DLGAP1: variants seen among roughly 807,000 people sequenced by gnomAD.
DLGAP1 encodes the protein DLG associated protein 1.
In DLGAP1, 11 loss-of-function variants were observed where a neutral mutation model predicts 90.8. That is an observed-to-expected ratio of 0.12 (90% CI 0.08 to 0.20). The LOEUF (loss-of-function observed/expected upper bound fraction) is 0.20. Ranked by LOEUF, DLGAP1 falls within the 10% of genes least tolerant of loss-of-function variation. DLGAP1 has a pLI of 1.00. For missense variants in DLGAP1, 1,050 were observed against 1,333.8 expected (o/e 0.79, Z 3.31); for synonymous variants, 558 against 540.7 (o/e 1.03, Z -0.44).
intron 1 of DLGAP1, among the ~76,000 whole-genome samples, chr18:4,400,413 A>G (rs977586167): frequency 7.9e-5 from 12 of 152,264 alleles, no homozygotes; most frequent in Admixed American, 7.8e-4. Context: ...TGAGTTTTCA[A>G]ACCTGCTGCT....
At chr18:3,758,462 A>T (rs924514246) in intron 5 of DLGAP1, among the ~76,000 whole-genome samples, 1 of 152,200 alleles carries the variant, frequency 6.6e-6, no homozygotes. Context: ...GGCCAAAATT[A>T]TTCACAGACT....
At chr18:3,689,691 G>A (rs1307195787) in intron 7 of DLGAP1, among the ~76,000 whole-genome samples, 1 of 152,098 alleles carries the variant, frequency 6.6e-6, no homozygotes, top group Non-Finnish European at 1.5e-5. Context: ...AGGCCAATGT[G>A]CCATAATTGT....
At chr18:3,619,425 T>C (rs1306498933) in intron 7 of DLGAP1, among the ~76,000 whole-genome samples, 1 of 152,124 alleles carries the variant, frequency 6.6e-6, no homozygotes, top group African/African-American at 2.4e-5. Context: ...GCAAGTCTAG[T>C]GGGGTCACTA....
intron 9 of DLGAP1, among the ~76,000 whole-genome samples, chr18:3,564,354 G>A (rs1432450570): frequency 6.6e-6 from 1 of 152,054 alleles, no homozygotes; most frequent in Non-Finnish European, 1.5e-5. Context: ...AGGGGGCTGA[G>A]GTTGGGTATG....
chr18:4,073,533 GA>G (rs2075481422), intron 2 of DLGAP1, among the ~76,000 whole-genome samples: 1 of 151,958 alleles, frequency 6.6e-6, no homozygotes, highest in Non-Finnish European at 1.5e-5. Flanking sequence ...AATGAAGGGG[GA>G]AAAAAGAGGT....
chr18:3,780,048 A>T (rs1440746111), intron 5 of DLGAP1, among the ~76,000 whole-genome samples: 1 of 152,110 alleles, frequency 6.6e-6, no homozygotes, highest in African/African-American at 2.4e-5. Context: ...TAGGCCTCCC[A>T]AAGTGCTGGG....
At chr18:3,697,356 T>C (rs1264400230) in intron 7 of DLGAP1, among the ~76,000 whole-genome samples, 1 of 152,210 alleles carries the variant, frequency 6.6e-6, no homozygotes, top group Non-Finnish European at 1.5e-5. Context: ...TAAACACTTC[T>C]TTAGCTGTGT....
intron 7 of DLGAP1, among the ~76,000 whole-genome samples, chr18:3,680,990 T>C (rs2060495859): frequency 6.6e-6 from 1 of 152,094 alleles, no homozygotes. Context: ...AATGGGATGA[T>C]GGTAAGTCTG....
chr18:4,344,191 T>C (rs1310539943), intron 1 of DLGAP1, among the ~76,000 whole-genome samples: 1 of 152,198 alleles, frequency 6.6e-6, no homozygotes, highest in Non-Finnish European at 1.5e-5. Flanking sequence ...ATAATGTTAG[T>C]AGTAGCTAAC....
At chr18:4,293,241 T>C (rs958235466) in intron 1 of DLGAP1, 2 of 152,342 alleles carry the variant, frequency 1.3e-5, no homozygotes, top group South Asian at 2.1e-4. Flanking sequence ...TATACCATTC[T>C]GGAACAGAGA....
Position 4,339,286 on chromosome 18 carries a change from CACAG to C in DLGAP1, c.-267+115716_-267+115719del, listed in dbSNP as rs577495802. Among the ~76,000 whole-genome samples the C allele has an allele frequency of 5.1e-4, 78 of 152,226 alleles. 1 individual carries two copies. Among genetic ancestry groups the C allele is most frequent in the African/African-American group, 1.8e-3 (75 of 41,546 alleles). On this transcript the variant is annotated intron_variant, in intron 1 of 12. Transcript: ENST00000315677. ...GAGCTGAACAACGAGAACACATGGA[CACAG>C]ACAGGGGAATAACACACACTGTTTT...
At chr18:3,635,278 C>T (rs1000325499) in intron 7 of DLGAP1, among the ~76,000 whole-genome samples, 1 of 151,990 alleles carries the variant, frequency 6.6e-6, no homozygotes, top group Non-Finnish European at 1.5e-5. Context: ...CTACAGGCGC[C>T]CGCCACCACG....
chr18:4,086,378 A>G (rs963132060), intron 2 of DLGAP1, among the ~76,000 whole-genome samples: 1 of 152,190 alleles, frequency 6.6e-6, no homozygotes, highest in Non-Finnish European at 1.5e-5. Context: ...AAACGGCATT[A>G]TTACTAATTA....
intron 3 of DLGAP1, among the ~76,000 whole-genome samples, chr18:3,946,005 T>C (rs1271882767): frequency 2.6e-5 from 4 of 152,332 alleles, no homozygotes; most frequent in Admixed American, 2.6e-4. Context: ...TCTTAAAGCT[T>C]GAATTTTAAT....
intron 1 of DLGAP1, among the ~76,000 whole-genome samples, chr18:4,200,455 CCAA>C (rs549573985): frequency 6.6e-6 from 1 of 151,520 alleles, no homozygotes; most frequent in Non-Finnish European, 1.5e-5. Context: ...TGTCAAGTTA[CCAA>C]CATCTTATTA....
chr18:4,025,021 G>C (rs1318252552), intron 2 of DLGAP1, among the ~76,000 whole-genome samples: 4 of 152,190 alleles, frequency 2.6e-5, no homozygotes, highest in Non-Finnish European at 5.9e-5. Context: ...CCACCTACCT[G>C]CCCTCTGTCC....
In DLGAP1 at chr18:3,671,260, C is replaced by T. The variant is rs141700958; in HGVS notation, c.1591+57875G>A. ...AAGCAGTTTATTTTCTTTGATCACA[C>T]AGCTCATGGTTGCCTAGGATCATAA... On this transcript the variant is annotated intron_variant, in intron 7 of 12. Coordinates refer to ENST00000315677, the MANE Select transcript of DLGAP1 (RefSeq NM_004746.4). Among the ~76,000 whole-genome samples the T allele has an allele frequency of 3.2e-3, 490 of 151,778 alleles. 3 individuals carry two copies. The highest frequency in any genetic ancestry group is 0.011 in the African/African-American group (474 of 41,294).
At chr18:3,647,279 A>T (rs192250059) in intron 7 of DLGAP1, among the ~76,000 whole-genome samples, 1,520 of 141,892 alleles carry the variant, frequency 0.011, 30 homozygotes, top group African/African-American at 0.039. Flanking sequence ...AATAAATAAA[A>T]ATATACATGT....
chr18:4,120,976 G>A (rs1010548379), intron 2 of DLGAP1, among the ~76,000 whole-genome samples: 1 of 152,168 alleles, frequency 6.6e-6, no homozygotes, highest in Non-Finnish European at 1.5e-5. Flanking sequence ...TCATGGTGGT[G>A]GTTGGAGGAG....
Sources: allele counts gnomAD v4.1 joint callset (sites outside exome capture counted in the v4.1 genomes callset), GRCh38; gene constraint gnomAD v4.1.1; transcripts MANE v1.5; gene names NCBI Gene and HGNC (gene_info 2026-07-23, HGNC 2026-07-21).